ITIH5: variants seen among roughly 807,000 people sequenced by gnomAD.
ITIH5 encodes the protein inter-alpha-trypsin inhibitor heavy chain 5.
In ITIH5, 65 loss-of-function variants were observed where a neutral mutation model predicts 77.5. That is an observed-to-expected ratio of 0.84 (90% CI 0.69 to 1.03). ITIH5 has a LOEUF of 1.03. ITIH5 is among the 50% of genes least tolerant of loss of function. The pLI, the probability that ITIH5 is intolerant of heterozygous loss-of-function variation, is 0.00. For synonymous variants in ITIH5, 525 were observed against 494.3 expected (o/e 1.06, Z -0.82); for missense variants, 1,208 against 1,213.1 (o/e 1.00, Z 0.06).
chr10:7,653,583 T>C (rs1250998336), intron 2 of ITIH5, among the ~76,000 whole-genome samples: 1 of 152,196 alleles, frequency 6.6e-6, no homozygotes, highest in African/African-American at 2.4e-5. Flanking sequence ...GAAATGAAAG[T>C]GTTTTTTGAA....
At chr10:7,610,069 C>CTTTTTTTTTTTTTTTTTTTTTTTTTT (rs5782989) in intron 7 of ITIH5, among the ~76,000 whole-genome samples, 1 of 86,736 alleles carries the variant, frequency 1.2e-5, no homozygotes, top group African/African-American at 3.9e-5. Context: ...TTTCTTTTTT[C>CTTTTTTTTTTTTTTTTTTTTTTTTTT]TTTTTTTTTT....
chr10:7,620,564 A>G (rs1244345997), intron 5 of ITIH5: 5 of 152,230 alleles, frequency 3.3e-5, no homozygotes, highest in African/African-American at 9.6e-5. Context: ...TGTACACATG[A>G]CATTTGTACC....
chr10:7,658,076 AGGTAACAAAACACTATAT>A (rs1438245433), intron 1 of ITIH5, among the ~76,000 whole-genome samples: 1 of 152,264 alleles, frequency 6.6e-6, no homozygotes, highest in African/African-American at 2.4e-5. Flanking sequence ...TGATGAAATC[AGGTAACAAAACACTATAT>A]GTAACATGAT....
chr10:7,624,958 G>T (rs1293775508), intron 5 of ITIH5, among the ~76,000 whole-genome samples: 2 of 146,078 alleles, frequency 1.4e-5, no homozygotes, highest in East Asian at 2.0e-4. Flanking sequence ...GTCCATTGGA[G>T]ACCTCAAATA....
intron 5 of ITIH5, among the ~76,000 whole-genome samples, chr10:7,628,652 T>C (rs1336122791): frequency 4.2e-5 from 6 of 143,956 alleles, no homozygotes; most frequent in African/African-American, 1.7e-4. Flanking sequence ...GTGTCCATGT[T>C]GTCTGGGTTG....
rs539066069 is a variant in ITIH5, at chr10:7,571,906, G to A, written c.2032+1236C>T. The A allele has an allele frequency of 2.2e-5, 20 of 923,900 alleles. No individual in the cohort carries two copies. In the East Asian group the frequency reaches 4.7e-4, roughly 22 times the overall value. 57.2% of individuals were successfully genotyped at this position (923,900 alleles called of 1,614,324 possible). On this transcript the variant is annotated intron_variant, in intron 11 of 13. Coordinates refer to ENST00000397146, the MANE Select transcript of ITIH5 (RefSeq NM_030569.7). ...GTTGTTGGTTCGATCCTTGGGATGC[G>A]GGACCCATGGAGATAGAGGACAACT...
At chr10:7,636,187 A>G (rs1833794946) in intron 5 of ITIH5, among the ~76,000 whole-genome samples, 1 of 152,198 alleles carries the variant, frequency 6.6e-6, no homozygotes, top group Admixed American at 6.5e-5. Context: ...AAAAAAAGAA[A>G]AAAAATACGG....
chr10:7,610,202 C>T (rs181165277), intron 7 of ITIH5, among the ~76,000 whole-genome samples: 5 of 151,554 alleles, frequency 3.3e-5, no homozygotes, highest in East Asian at 3.9e-4. Context: ...CAAAAGCACA[C>T]GGGAGGGAAA....
chr10:7,665,509 T>C (rs1834347528), intron 1 of ITIH5, among the ~76,000 whole-genome samples: 1 of 152,228 alleles, frequency 6.6e-6, no homozygotes, highest in Non-Finnish European at 1.5e-5. Context: ...AGGCACTTGA[T>C]CAGGGTCCCA....
intron 9 of ITIH5, chr10:7,578,223 T>C (rs1832465422): frequency 6.0e-6 from 1 of 165,948 alleles, no homozygotes; most frequent in Non-Finnish European, 1.5e-5. Context: ...GGGAAGGAAA[T>C]GGCTATCTTA....
intron 5 of ITIH5, among the ~76,000 whole-genome samples, chr10:7,633,044 A>G (rs1334722): frequency 0.4 from 60,079 of 152,022 alleles, 12,348 homozygotes; most frequent in African/African-American, 0.49. Flanking sequence ...CGGAATACCA[A>G]TGAGAATATA....
chr10:7,604,867 G>A (rs1485347925), intron 7 of ITIH5, among the ~76,000 whole-genome samples: 1 of 152,092 alleles, frequency 6.6e-6, no homozygotes, highest in East Asian at 1.9e-4. Flanking sequence ...GTGTCGCCAG[G>A]CTGGAGTGCA....
At chr10:7,663,345 T>C (rs1834309249) in intron 1 of ITIH5, among the ~76,000 whole-genome samples, 1 of 152,262 alleles carries the variant, frequency 6.6e-6, no homozygotes. Context: ...CCTAAGTGTT[T>C]ACTATATGCA....
intron 7 of ITIH5, among the ~76,000 whole-genome samples, chr10:7,608,534 C>T (rs1364969569): frequency 2.0e-5 from 3 of 152,182 alleles, no homozygotes; most frequent in Admixed American, 6.5e-5. Context: ...CCTCCCACCT[C>T]GGCCTCTCAA....
At position 7,576,856 on chromosome 10, in the gene ITIH5, G is replaced by T; in HGVS notation, c.1575C>A (p.His525Gln). ...AGKLVDRKLD[H>Q]LHVEVTASNS... is the part of the protein sequence containing the mutation. ...TGCTGGCGGTGACCTCCACGTGCAG[G>T]TGATCCAGCTTCCTGTCCACCAGCT... The change falls in exon 10 of 14, where the codon CAC becomes CAA. Residue 525 changes from histidine (H) to glutamine (Q), a missense_variant. Coordinates refer to ENST00000397146, the MANE Select transcript of ITIH5 (RefSeq NM_030569.7). 1 of 1,614,170 alleles carries T rather than the reference G, an allele frequency of 6.2e-7. No homozygotes were observed. Among genetic ancestry groups the T allele is most frequent in the Non-Finnish European group, 8.5e-7 (1 of 1,180,036 alleles).
chr10:7,619,549 G>C (rs1238361091), intron 5 of ITIH5: 10 of 349,464 alleles, frequency 2.9e-5, no homozygotes, highest in African/African-American at 1.9e-4. Flanking sequence ...AGACTGGGTA[G>C]TTTATACAGA....
chr10:7,629,298 T>C (rs1386153844), intron 5 of ITIH5, among the ~76,000 whole-genome samples: 1 of 88,454 alleles, frequency 1.1e-5, no homozygotes, highest in African/African-American at 4.3e-5. Flanking sequence ...TGTTGTAGCG[T>C]GTGTCCATGT....
chr10:7,657,137 C>T (rs1010226612), intron 1 of ITIH5, among the ~76,000 whole-genome samples: 5 of 150,986 alleles, frequency 3.3e-5, no homozygotes, highest in South Asian at 2.1e-4. Context: ...CTCCAACTCC[C>T]GGGTTCAAGC....
At chr10:7,662,779 C>T (rs1304514453) in intron 1 of ITIH5, among the ~76,000 whole-genome samples, 1 of 152,174 alleles carries the variant, frequency 6.6e-6, no homozygotes, top group East Asian at 1.9e-4. Flanking sequence ...CTCTGCCCTA[C>T]AAACTCATTT....
Sources: allele counts gnomAD v4.1 joint callset (sites outside exome capture counted in the v4.1 genomes callset), GRCh38; gene constraint gnomAD v4.1.1; transcripts MANE v1.5; gene names NCBI Gene and HGNC (gene_info 2026-07-23, HGNC 2026-07-21).